CORO1C: variants seen among roughly 807,000 people sequenced by gnomAD.
The protein encoded by CORO1C is coronin 1C.
Under a neutral mutation model 51.2 loss-of-function variants are expected in CORO1C, and 14 were observed. The ratio of observed to expected loss-of-function variants is 0.27; its 90% CI spans 0.18 to 0.43. The LOEUF (loss-of-function observed/expected upper bound fraction) is 0.43. Ranked by LOEUF, CORO1C falls within the 20% of genes least tolerant of loss-of-function variation. CORO1C has a pLI of 1.00. For missense variants in CORO1C, 417 were observed against 607.8 expected, an observed-to-expected ratio of 0.69 and a Z score of 3.30; for synonymous variants, 181 against 210.5, an observed-to-expected ratio of 0.86 and a Z score of 1.21.
chr12:108,650,434 C>A (rs1026543634), intron 8 of CORO1C, among the ~76,000 whole-genome samples: 1 of 152,114 alleles, frequency 6.6e-6, no homozygotes, highest in Non-Finnish European at 1.5e-5. Flanking sequence ...CCCACCTTGG[C>A]CTCCCAAAGT....
At chr12:108,712,570 CAA>C (rs138128974) in intron 1 of CORO1C, among the ~76,000 whole-genome samples, 7,807 of 66,552 alleles carry the variant, frequency 0.12, 226 homozygotes, top group East Asian at 0.32. Context: ...GAAACTGTCT[CAA>C]AAAAAAAAAA....
At position 108,701,159 on chromosome 12, in the gene CORO1C, C is replaced by A. The variant is rs775238496; in HGVS notation, c.160G>T (p.Gly54Trp). The A allele has an allele frequency of 6.2e-7, 1 of 1,614,134 alleles. No individual in the cohort carries two copies. The highest frequency in any genetic ancestry group is 8.5e-7 in the Non-Finnish European group (1 of 1,180,022). Residue 54 changes from glycine (G) to tryptophan (W), a missense_variant, in exon 2 of 11, where the codon GGG becomes TGG. Gly to Trp is a radical substitution (Grantham distance 184, BLOSUM62 -2). Coordinates refer to ENST00000261401, the MANE Select transcript of CORO1C (RefSeq NM_014325.4). The stretch of plus-strand genomic sequence containing the variant: ...GGGAGGACAAGGAACGCTCCTCCCC[C>A]ACTTGCCTCTATGATTATGGCAACA... The part of the protein sequence containing the change: ...RFVAIIIEAS[G>W]GGAFLVLPLH...
At position 108,648,797 on chromosome 12, in the gene CORO1C, C is replaced by A; in HGVS notation, c.1113G>T (p.Ala371=). 6.2e-7 allele frequency: 1 copy of A among 1,614,240 alleles called. No individual in the cohort carries two copies. The highest frequency in any genetic ancestry group is 8.5e-7 in the Non-Finnish European group (1 of 1,180,044). ...CTTCGAACCACTCTTCTGCCTCCAG[C>A]GCGGCCTCTGGCCCCGCTGTGTCAG... ...LYPDTAGPEA[A]LEAEEWFEGK... The change falls in exon 10 of 11, where the codon GCG becomes GCT. Residue 371 remains alanine, a synonymous_variant. Transcript: ENST00000261401.
chr12:108,684,330 A>G (rs2034226716), intron 2 of CORO1C, among the ~76,000 whole-genome samples: 1 of 152,230 alleles, frequency 6.6e-6, no homozygotes, highest in Non-Finnish European at 1.5e-5. Context: ...GAACTCATAA[A>G]CTGCTTACAG....
At chr12:108,671,419 T>C (rs896678908) in intron 3 of CORO1C, among the ~76,000 whole-genome samples, 11 of 147,066 alleles carry the variant, frequency 7.5e-5, no homozygotes, top group African/African-American at 2.5e-4. Context: ...ACAAAGCATA[T>C]GGATAACAGG....
rs118170699 is a variant in CORO1C, at chr12:108,694,573, C to T, written c.195+6551G>A. The stretch of plus-strand genomic sequence containing the variant: ...TTTAGTCCCATCAATGTTAACATTG[C>T]ACATTATTTCCTAAAAACTAATAAC... On this transcript the variant is annotated intron_variant, in intron 2 of 10. Transcript: ENST00000261401. Among the ~76,000 whole-genome samples, 100 of 152,148 alleles carry T rather than the reference C, an allele frequency of 6.6e-4. No homozygotes were observed. In the East Asian group the frequency reaches 0.018, roughly 28 times the overall value.
At chr12:108,655,723 C>T (rs192456509) in intron 6 of CORO1C, among the ~76,000 whole-genome samples, 3,768 of 152,124 alleles carry the variant, frequency 0.025, 167 homozygotes, top group African/African-American at 0.087. Flanking sequence ...GTGATCTCGG[C>T]TAGCTACAAC....
chr12:108,676,980 A>T (rs1306910547), intron 3 of CORO1C, among the ~76,000 whole-genome samples: 1 of 152,164 alleles, frequency 6.6e-6, no homozygotes, highest in Non-Finnish European at 1.5e-5. Context: ...GCCCATGAGG[A>T]AAAGCGGGTA....
At chr12:108,724,298 C>T (rs558913029) in intron 1 of CORO1C, among the ~76,000 whole-genome samples, 1 of 152,292 alleles carries the variant, frequency 6.6e-6, no homozygotes, top group South Asian at 2.1e-4. Context: ...TCAAAGACTA[C>T]AAAGGGAAAG....
At chr12:108,718,006 T>C (rs530717757) in intron 1 of CORO1C, among the ~76,000 whole-genome samples, 2 of 150,956 alleles carry the variant, frequency 1.3e-5, no homozygotes, top group South Asian at 4.2e-4. Flanking sequence ...TCACCTGAGG[T>C]AAGGAGTTCA....
rs75809436 is a variant in CORO1C at position 108,692,156 on chromosome 12, G to C, written c.195+8968C>G. On this transcript the variant is annotated intron_variant, in intron 2 of 10. Transcript: ENST00000261401. ...GTTCTGCACCTGGTGCCCTCCCCCT[G>C]CATCCTCCACCCCTCCCAGTCCTGT... 6.3e-3 allele frequency among the ~76,000 whole-genome samples: 966 copies of C among 152,134 alleles called. 6 individuals carry two copies. Among genetic ancestry groups the C allele is most frequent in the Non-Finnish European group, 1.0e-2 (677 of 67,990 alleles).
At chr12:108,659,607 A>G (rs1040708143) in intron 4 of CORO1C, among the ~76,000 whole-genome samples, 1 of 152,222 alleles carries the variant, frequency 6.6e-6, no homozygotes, top group African/African-American at 2.4e-5. Context: ...ACTTGGTGGT[A>G]GGCTGTGACC....
chr12:108,709,855 G>A (rs769155625), intron 1 of CORO1C, among the ~76,000 whole-genome samples: 1 of 152,192 alleles, frequency 6.6e-6, no homozygotes, highest in Non-Finnish European at 1.5e-5. Context: ...TGCTCATTAG[G>A]TCTTTCAAGT....
intron 1 of CORO1C, among the ~76,000 whole-genome samples, chr12:108,718,004 G>A (rs1428715507): frequency 6.6e-6 from 1 of 151,538 alleles, no homozygotes; most frequent in Non-Finnish European, 1.5e-5. Context: ...GATCACCTGA[G>A]GTAAGGAGTT....
At chr12:108,661,247 G>C (rs2033248024) in intron 4 of CORO1C, among the ~76,000 whole-genome samples, 1 of 152,182 alleles carries the variant, frequency 6.6e-6, no homozygotes, top group Admixed American at 6.5e-5. Context: ...TAAAGGAAAA[G>C]ATTTCTGTAC....
intron 3 of CORO1C, among the ~76,000 whole-genome samples, chr12:108,674,775 C>G (rs1202750805): frequency 6.6e-6 from 1 of 152,072 alleles, no homozygotes; most frequent in Admixed American, 6.5e-5. Flanking sequence ...AAAACTTGAA[C>G]AGATGAGGAG....
intron 2 of CORO1C, among the ~76,000 whole-genome samples, chr12:108,699,026 C>G (rs1263847293): frequency 6.6e-6 from 1 of 152,166 alleles, no homozygotes; most frequent in Non-Finnish European, 1.5e-5. Context: ...AAAACAAACT[C>G]ATATTTAAGG....
At chr12:108,708,450 T>C (rs538211496) in intron 1 of CORO1C, among the ~76,000 whole-genome samples, 34 of 151,788 alleles carry the variant, frequency 2.2e-4, no homozygotes, top group Non-Finnish European at 4.1e-4. Context: ...AGTAGATTCA[T>C]GGTTGCTTAG....
intron 1 of CORO1C, among the ~76,000 whole-genome samples, chr12:108,712,346 G>A (rs1354302217): frequency 2.6e-5 from 4 of 152,084 alleles, no homozygotes; most frequent in African/African-American, 9.7e-5. Flanking sequence ...AACTGAGACA[G>A]GTGGATTGCC....
Sources: allele counts gnomAD v4.1 joint callset (sites outside exome capture counted in the v4.1 genomes callset), GRCh38; gene constraint gnomAD v4.1.1; transcripts MANE v1.5; gene names NCBI Gene and HGNC (gene_info 2026-07-23, HGNC 2026-07-21).